Variants in NXN observed in about 807,000 individuals in gnomAD.
NXN encodes nucleoredoxin.
A neutral mutation model predicts 48.6 loss-of-function variants in NXN; 16 were observed. The ratio of observed to expected loss-of-function variants is 0.33; its 90% confidence interval spans 0.22 to 0.50. The LOEUF (loss-of-function observed/expected upper bound fraction) is 0.50. Ranked by LOEUF, NXN falls within the 20% of genes least tolerant of loss-of-function variation. The pLI is 0.98. For missense variants in NXN, 492 were observed against 605.5 expected, an observed-to-expected ratio of 0.81 and a Z score of 1.97; for synonymous variants, 281 against 269.6, an observed-to-expected ratio of 1.04 and a Z score of -0.41.
Position 979,733 on chromosome 17 carries a change from G to C in NXN, c.-55C>G, listed in dbSNP as rs935248986. On this transcript the variant is annotated 5_prime_UTR_variant, in exon 1 of 8. Transcript: ENST00000336868. ...TGCGACCCCGCTCCACGGTCCGCGCGGCGGGAGGAGGCGGCGGCGTCGGCG... is the reference window on the plus strand; with the variant it reads ...TGCGACCCCGCTCCACGGTCCGCGCCGCGGGAGGAGGCGGCGGCGTCGGCG... 79 of 1,253,008 alleles carry C rather than the reference G, an allele frequency of 6.3e-5. No homozygotes were observed. Among genetic ancestry groups the C allele is most frequent in the Non-Finnish European group, 7.9e-5 (78 of 993,412 alleles). The allele number at this position is 1,253,008 out of a possible 1,614,324, so 77.6% of individuals were successfully genotyped here. A position where few individuals can be genotyped will look rare whatever the true frequency, so the allele number is the denominator to read the frequency against.
chr17:865,149 T>C (rs2068082913), intron 1 of NXN, among the ~76,000 whole-genome samples: 1 of 152,162 alleles, frequency 6.6e-6, no homozygotes. Flanking sequence ...GCTCCTTCAG[T>C]GGAAGCGCAT....
intron 1 of NXN, among the ~76,000 whole-genome samples, chr17:952,565 G>T (rs570169397): frequency 2.4e-5 from 2 of 82,328 alleles, no homozygotes; most frequent in African/African-American, 1.0e-4. Context: ...CTGTGGGGGG[G>T]CTGGAGTCAG....
At chr17:940,829 C>T (rs2068964836) in intron 1 of NXN, among the ~76,000 whole-genome samples, 1 of 150,892 alleles carries the variant, frequency 6.6e-6, no homozygotes, top group African/African-American at 2.5e-5. Context: ...ACTCACATCA[C>T]ACCTTCCTGG....
At chr17:967,281 G>A (rs2069317759) in intron 1 of NXN, among the ~76,000 whole-genome samples, 1 of 152,232 alleles carries the variant, frequency 6.6e-6, no homozygotes, top group Non-Finnish European at 1.5e-5. Context: ...GGGAGTCTGG[G>A]AGGACAGGAA....
At chr17:856,464 CACTGGTCTTGCTAAGT>C (rs1441201944) in intron 1 of NXN, among the ~76,000 whole-genome samples, 1 of 151,432 alleles carries the variant, frequency 6.6e-6, no homozygotes, top group African/African-American at 2.4e-5. Context: ...AGTAGGGCTC[CACTGGTCTTGCTAAGT>C]ACTTGTCTTT....
rs1305499310 is a variant in NXN, at chr17:806,136, CT to C, written c.821-890del. ...AGCCCCCGCCGTCTGCACCCCAGCCCTCCCCGCTCCCCAGGGCTGCAGCCCC... is the reference window on the plus strand; with the variant it reads ...AGCCCCCGCCGTCTGCACCCCAGCCCCCCCGCTCCCCAGGGCTGCAGCCCC... On this transcript the variant is annotated intron_variant, in intron 5 of 7. Coordinates refer to ENST00000336868, the MANE Select transcript of NXN (RefSeq NM_022463.5). 4.6e-4 allele frequency among the ~76,000 whole-genome samples: 68 copies of C among 147,980 alleles called. 1 individual carries two copies. The highest frequency in any genetic ancestry group is 1.8e-3 in the African/African-American group (67 of 38,226).
At chr17:853,702 CATATATAT>C (rs571601948) in intron 1 of NXN, among the ~76,000 whole-genome samples, 2 of 119,316 alleles carry the variant, frequency 1.7e-5, no homozygotes, top group African/African-American at 3.6e-5. Context: ...CTGTTATACA[CATATATAT>C]ATATATATAT....
chr17:865,421 T>C (rs1426998772), intron 1 of NXN, among the ~76,000 whole-genome samples: 9 of 151,924 alleles, frequency 5.9e-5, no homozygotes, highest in Non-Finnish European at 1.5e-5. Context: ...TTTGTATTTT[T>C]AGGAGAGACG....
intron 1 of NXN, among the ~76,000 whole-genome samples, chr17:879,000 A>G (rs539242142): frequency 3.9e-4 from 60 of 152,156 alleles, no homozygotes; most frequent in African/African-American, 1.4e-3. Context: ...CCCTCTCTCT[A>G]CTAAAAATAC....
intron 1 of NXN, among the ~76,000 whole-genome samples, chr17:967,654 T>C (rs1257469893): frequency 3.3e-5 from 5 of 152,156 alleles, no homozygotes; most frequent in Admixed American, 1.3e-4. Context: ...AAAAGAGGCT[T>C]AAGGGATACA....
chr17:845,228 ATTCCACCCTTCTAGAAT>A (rs2067847218), intron 1 of NXN, among the ~76,000 whole-genome samples: 1 of 107,810 alleles, frequency 9.3e-6, no homozygotes, highest in African/African-American at 4.7e-5. Context: ...TCTAGAGAGA[ATTCCACCCTTCTAGAAT>A]CCTACCATCA....
At chr17:815,823 G>T (rs1912441366) in intron 5 of NXN, among the ~76,000 whole-genome samples, 1 of 152,228 alleles carries the variant, frequency 6.6e-6, no homozygotes, top group African/African-American at 2.4e-5. Context: ...CCAAGACCCA[G>T]CCACGTCAAA....
intron 1 of NXN, among the ~76,000 whole-genome samples, chr17:939,765 CG>C (rs1251315980): frequency 1.3e-5 from 2 of 152,216 alleles, no homozygotes; most frequent in Admixed American, 6.5e-5. Context: ...CTTGTGATGT[CG>C]GAACATCCAT....
At chr17:880,494 C>T (rs1207703543) in intron 1 of NXN, among the ~76,000 whole-genome samples, 1 of 152,046 alleles carries the variant, frequency 6.6e-6, no homozygotes, top group Non-Finnish European at 1.5e-5. Context: ...CCCATTTCCC[C>T]AACAGGACAT....
At chr17:845,992 G>T (rs12942906) in intron 1 of NXN, among the ~76,000 whole-genome samples, 1 of 152,302 alleles carries the variant, frequency 6.6e-6, no homozygotes, top group African/African-American at 2.4e-5. Flanking sequence ...GGAGGCCAGA[G>T]AATCACTTGA....
chr17:851,247 G>A (rs1017237560), intron 1 of NXN, among the ~76,000 whole-genome samples: 33 of 152,376 alleles, frequency 2.2e-4, no homozygotes, highest in East Asian at 5.8e-4. Context: ...CCTGAGCTCC[G>A]CTTGCCACTT....
intron 1 of NXN, among the ~76,000 whole-genome samples, chr17:924,984 A>T (rs2068785263): frequency 6.6e-6 from 1 of 152,206 alleles, no homozygotes; most frequent in Non-Finnish European, 1.5e-5. Context: ...ATGGGAAGGA[A>T]AAGTAACTAT....
chr17:914,177 G>GATATAA (rs1426996908), intron 1 of NXN, among the ~76,000 whole-genome samples: 6 of 49,184 alleles, frequency 1.2e-4, no homozygotes, highest in Non-Finnish European at 5.9e-5. Flanking sequence ...TGGGATTACA[G>GATATAA]GCGCCCGCCA....
chr17:896,501 G>A (rs2068487651), intron 1 of NXN, among the ~76,000 whole-genome samples: 1 of 152,200 alleles, frequency 6.6e-6, no homozygotes, highest in South Asian at 2.1e-4. Flanking sequence ...AGCAGACCCT[G>A]TGTCTAAAAC....
Sources: gnomAD v4.1 joint callset for allele counts (sites outside exome capture counted in the v4.1 genomes callset) on GRCh38, gnomAD v4.1.1 for gene constraint, MANE v1.5 for transcripts, NCBI Gene and HGNC (gene_info 2026-07-23, HGNC 2026-07-21) for gene names.